CLHC1: variants seen among roughly 807,000 people sequenced by gnomAD.
CLHC1 encodes the protein clathrin heavy chain linker domain containing 1, also known as clathrin heavy chain linker domain-containing protein 1.
CLHC1 carries 72 observed loss-of-function variants against 69.5 expected under a neutral mutation model. The observed-to-expected ratio is 1.04, with a 90% CI of 0.86 to 1.26. CLHC1 has a LOEUF of 1.26. CLHC1 is among the 50% of genes most tolerant of loss of function. The pLI, the probability that CLHC1 is intolerant of heterozygous loss-of-function variation, is 0.00. For missense variants in CLHC1, 790 were observed against 679.3 expected, an observed-to-expected ratio of 1.16 and a Z score of -1.81; for synonymous variants, 223 against 224.3, an observed-to-expected ratio of 0.99 and a Z score of 0.05.
At position 55,225,639 on chromosome 2, in the gene CLHC1, C is replaced by CA. The variant is rs1304052091; in HGVS notation, c.-83+2392dup. The CA allele has an allele frequency of 2.0e-5, 3 of 152,700 alleles. No individual in the cohort carries two copies. In the South Asian group the frequency reaches 6.2e-4, roughly 32 times the overall value. The allele number at this position is 152,700 out of a possible 1,614,324, so 9.5% of individuals were successfully genotyped here. A position where few individuals can be genotyped will look rare whatever the true frequency, so the allele number is the denominator to read the frequency against. On this transcript the variant is annotated intron_variant, in intron 2 of 12. Transcript: ENST00000401408. ...CCCTCACCCCGCACCTCATGACCGT[C>CA]ACGCTGCCTGCCTGCTTGCCCCCTG...
intron 9 of CLHC1, among the ~76,000 whole-genome samples, chr2:55,189,010 A>C (rs903817674): frequency 6.6e-6 from 1 of 152,218 alleles, no homozygotes; most frequent in African/African-American, 2.4e-5. Flanking sequence ...TATTTAAGGC[A>C]AAAATAGTAA....
intron 4 of CLHC1, chr2:55,214,835 T>C (rs1673342759): frequency 6.6e-6 from 1 of 152,158 alleles, no homozygotes; most frequent in African/African-American, 2.4e-5. Context: ...ATAAACAAAA[T>C]GTAGTATATA....
rs200555380 is a variant in CLHC1 at position 55,177,725 on chromosome 2, T to A, written c.1441A>T (p.Thr481Ser). Residue 481 changes from threonine to serine, a missense_variant, in exon 12 of 13, where the codon ACT becomes TCT. Thr to Ser is a moderately conservative substitution (Grantham distance 58). Coordinates refer to ENST00000401408, the MANE Select transcript of CLHC1 (RefSeq NM_152385.4). ...GGTTGTTTCTCATTCAACTCTTTAG[T>A]GAGACACTGAATTAATTCAACTTGG... ...CPQVELIQCL[T>S]KELNEKQPSL... 1.7e-5 allele frequency: 28 copies of A among 1,613,230 alleles called. No homozygotes were observed. Among genetic ancestry groups the A allele is most frequent in the Non-Finnish European group, 2.3e-5 (27 of 1,179,514 alleles).
intron 2 of CLHC1, among the ~76,000 whole-genome samples, chr2:55,223,546 G>A (rs1335935246): frequency 6.6e-6 from 1 of 152,102 alleles, no homozygotes; most frequent in African/African-American, 2.4e-5. Flanking sequence ...GGGTCGGCGC[G>A]ACCGCTCTCG....
intron 9 of CLHC1, among the ~76,000 whole-genome samples, chr2:55,197,338 C>G (rs1199305654): frequency 1.3e-5 from 2 of 152,176 alleles, no homozygotes; most frequent in African/African-American, 2.4e-5. Context: ...AGCCCTAGGG[C>G]CTTCAGCAAA....
intron 8 of CLHC1, among the ~76,000 whole-genome samples, chr2:55,208,308 A>G (rs1490945273): frequency 1.3e-5 from 2 of 152,220 alleles, no homozygotes; most frequent in African/African-American, 4.8e-5. Flanking sequence ...TATACCATAT[A>G]CACATAGCCT....
intron 9 of CLHC1, among the ~76,000 whole-genome samples, chr2:55,200,341 A>G (rs2103860828): frequency 6.6e-6 from 1 of 152,152 alleles, no homozygotes; most frequent in Non-Finnish European, 1.5e-5. Context: ...AAACACAGGA[A>G]TGGAAAAAGA....
chr2:55,224,816 C>T (rs1244149801), intron 2 of CLHC1: 2 of 304,486 alleles, frequency 6.6e-6, no homozygotes, highest in African/African-American at 2.3e-5. Flanking sequence ...TCAAAGAGGC[C>T]CCCCAGCCAG....
At chr2:55,215,281 A>T (rs1673389526) in intron 4 of CLHC1, 1 of 152,204 alleles carries the variant, frequency 6.6e-6, no homozygotes, top group African/African-American at 2.4e-5. Flanking sequence ...AAAATCTAAC[A>T]GAATAGAGAA....
At chr2:55,190,973 A>C (rs1053455216) in intron 9 of CLHC1, among the ~76,000 whole-genome samples, 1 of 152,224 alleles carries the variant, frequency 6.6e-6, no homozygotes, top group Admixed American at 6.5e-5. Context: ...TCTTAAAAGT[A>C]GTCATAGAGA....
chr2:55,222,366 T>C lies in CLHC1; in HGVS notation c.46A>G (p.Ile16Val). The C allele has an allele frequency of 6.2e-7, 1 of 1,613,958 alleles. No homozygotes were observed. The highest frequency in any genetic ancestry group is 2.2e-5 in the East Asian group (1 of 44,848). Residue 16 changes from isoleucine (I) to valine (V), a missense_variant, in exon 3 of 13, where the codon ATT becomes GTT. Ile to Val is a conservative substitution (Grantham distance 29). Transcript: ENST00000401408. ...AAAAATTCCTTGTCACTTCTACAAATGATAGGTGGGAGAACTGCATGTTTT... is the reference window on the plus strand; with the variant it reads ...AAAAATTCCTTGTCACTTCTACAAACGATAGGTGGGAGAACTGCATGTTTT... Reference protein sequence around the residue: ...IRKHAVLPPIICRSDKEFLES... With the variant: ...IRKHAVLPPIVCRSDKEFLES...
chr2:55,214,538 G>T (rs980049792), intron 4 of CLHC1: 4 of 152,238 alleles, frequency 2.6e-5, no homozygotes, highest in African/African-American at 9.6e-5. Context: ...AAACGAGTTT[G>T]TCAGTAGATA....
intron 2 of CLHC1, among the ~76,000 whole-genome samples, chr2:55,222,750 G>A (rs551056952): frequency 6.6e-6 from 1 of 151,294 alleles, no homozygotes; most frequent in African/African-American, 2.4e-5. Flanking sequence ...GAGAAACCCC[G>A]TCTCTACTAA....
At chr2:55,226,923 G>A (rs1315618680) in intron 2 of CLHC1, among the ~76,000 whole-genome samples, 4 of 152,340 alleles carry the variant, frequency 2.6e-5, no homozygotes, top group East Asian at 3.9e-4. Context: ...ATGAGCCACT[G>A]CACCTGGCTG....
At chr2:55,219,629 T>A (rs1256474414) in intron 3 of CLHC1, among the ~76,000 whole-genome samples, 1 of 152,178 alleles carries the variant, frequency 6.6e-6, no homozygotes, top group Non-Finnish European at 1.5e-5. Context: ...CACCATTCCT[T>A]ATTCTCTTAT....
chr2:55,187,116 C>T (rs533122046), intron 9 of CLHC1, among the ~76,000 whole-genome samples: 3 of 150,768 alleles, frequency 2.0e-5, no homozygotes, highest in South Asian at 2.1e-4. Context: ...AAAACAACAA[C>T]AAAAAAATAA....
intron 9 of CLHC1, among the ~76,000 whole-genome samples, chr2:55,191,961 T>C (rs1023893154): frequency 7.2e-5 from 11 of 152,190 alleles, no homozygotes; most frequent in African/African-American, 2.6e-4. Context: ...AGATTGTTCC[T>C]ATGAATAACC....
chr2:55,222,897 G>T (rs1213166017), intron 2 of CLHC1, among the ~76,000 whole-genome samples: 3 of 129,622 alleles, frequency 2.3e-5, no homozygotes, highest in Non-Finnish European at 3.1e-5. Context: ...TCCAGCCTGG[G>T]CAACAAGAGC....
intron 9 of CLHC1, among the ~76,000 whole-genome samples, chr2:55,200,835 C>T (rs1196094775): frequency 1.3e-5 from 2 of 152,182 alleles, no homozygotes; most frequent in African/African-American, 2.4e-5. Context: ...AGCATCTTCT[C>T]TGATCACAGT....
Sources: allele counts gnomAD v4.1 joint callset (sites outside exome capture counted in the v4.1 genomes callset), GRCh38; gene constraint gnomAD v4.1.1; transcripts MANE v1.5; gene names NCBI Gene and HGNC (gene_info 2026-07-23, HGNC 2026-07-21).